C4orf50: variants seen among roughly 807,000 people sequenced by gnomAD.
C4orf50 encodes the protein chromosome 4 open reading frame 50, also known as uncharacterized protein C4orf50.
A neutral mutation model predicts 77.2 loss-of-function variants in C4orf50; 80 were observed. The ratio of observed to expected loss-of-function variants is 1.04; its 90% CI spans 0.87 to 1.25. C4orf50 has a LOEUF of 1.25. Ranked by LOEUF, C4orf50 falls within the 50% of genes most tolerant of loss-of-function variation. C4orf50 has a pLI of 0.00. For synonymous variants in C4orf50, 532 were observed against 465.3 expected, an observed-to-expected ratio of 1.14 and a Z score of -1.84; for missense variants, 1,257 against 1,152.9, an observed-to-expected ratio of 1.09 and a Z score of -1.31.
chr4:5,902,427 T>C (rs891799172), intron 7 of C4orf50: 5 of 152,180 alleles, frequency 3.3e-5, no homozygotes, highest in African/African-American at 4.8e-5. Context: ...ATCAGGCCAA[T>C]AGACTCTGAA....
chr4:6,012,651 C>A (rs186569338), intron 23 of C4orf50, among the ~76,000 whole-genome samples: 102 of 152,324 alleles, frequency 6.7e-4, no homozygotes, highest in Admixed American at 2.0e-3. Context: ...TGCAAACACA[C>A]TGGGGCTATG....
At chr4:5,902,794 A>G (rs1329171486) in intron 7 of C4orf50, 1 of 152,154 alleles carries the variant, frequency 6.6e-6, no homozygotes, top group Non-Finnish European at 1.5e-5. Flanking sequence ...ACGAGGCTGC[A>G]ATAGAAGGTT....
At chr4:5,994,233 G>A (rs952523842) in intron 26 of C4orf50, 114 bp downstream of exon 4, 12 of 395,448 alleles carry the variant, frequency 3.0e-5, no homozygotes, top group African/African-American at 2.3e-4. Context: ...TCTGTAGGGA[G>A]GGGGGACCAC....
chr4:5,907,552 C>T (rs1005870780), intron 7 of C4orf50, among the ~76,000 whole-genome samples: 1 of 152,158 alleles, frequency 6.6e-6, no homozygotes, highest in South Asian at 2.1e-4. Flanking sequence ...ATGATCTCTA[C>T]AGGCGAGCTA....
intron 29 of C4orf50, among the ~76,000 whole-genome samples, chr4:5,977,217 G>A (rs564630694): frequency 1.1e-4 from 16 of 152,276 alleles, no homozygotes; most frequent in African/African-American, 3.6e-4. Flanking sequence ...CAGCCTAGCC[G>A]AGTCCTATCT....
intron 7 of C4orf50, among the ~76,000 whole-genome samples, chr4:5,933,357 C>G (rs1325037639): frequency 1.3e-5 from 2 of 152,240 alleles, no homozygotes; most frequent in Non-Finnish European, 2.9e-5. Flanking sequence ...GAGTCTGCCA[C>G]TCACAGAACT....
rs932403440 is a variant in C4orf50 at position 5,908,985 on chromosome 4, A to G, written c.*2475-10797T>C. 5.3e-5 allele frequency among the ~76,000 whole-genome samples: 8 copies of G among 152,156 alleles called. No individual in the cohort carries two copies. Among genetic ancestry groups the G allele is most frequent in the Non-Finnish European group, 1.2e-4 (8 of 68,018 alleles). On this transcript the variant is annotated intron_variant, in intron 7 of 7. Coordinates refer to the C4orf50 transcript ENST00000324058. The surrounding 1 kb of genome is among the most constrained non-coding windows in gnomAD (Gnocchi z 5.6). ...CATGACTGCCTCTTAGCTGGACCAC[A>G]GAGAGTTTCCTAACCAGGCTCCCTG...
intron 7 of C4orf50, among the ~76,000 whole-genome samples, chr4:5,934,287 C>T (rs1410647265): frequency 6.6e-6 from 1 of 152,172 alleles, no homozygotes; most frequent in African/African-American, 2.4e-5. Context: ...TGGTCCTTTC[C>T]AGGTCCTCGC....
chr4:5,963,933 T>C (rs1719405691), intron 33 of C4orf50, among the ~76,000 whole-genome samples: 1 of 152,200 alleles, frequency 6.6e-6, no homozygotes, highest in South Asian at 2.1e-4. Flanking sequence ...AAGTAAGTTT[T>C]CTCTGGGAAG....
intron 25 of C4orf50, among the ~76,000 whole-genome samples, chr4:6,005,736 T>C (rs1722222491): frequency 6.6e-6 from 1 of 152,204 alleles, no homozygotes; most frequent in African/African-American, 2.4e-5. Flanking sequence ...TGAGCAGTAC[T>C]TCCTAAATAC....
rs1057379776 is a variant in C4orf50 at position 5,992,294 on chromosome 4, T to A, written c.1221+509A>T. Among the ~76,000 whole-genome samples, 1 of 152,144 alleles carries A rather than the reference T, an allele frequency of 6.6e-6. No individual in the cohort carries two copies. On this transcript the variant is annotated intron_variant, in intron 27 of 33. Coordinates refer to ENST00000531445, the Ensembl canonical transcript of C4orf50. This position sits in a 1 kb window ranked among gnomAD's most constrained non-coding sequence, Gnocchi z 5.0. Reference sequence around the variant, plus strand: ...GCTCGCGGGTCCCAGCACAGCTCTGTTCCTCAGGGATGAGAAAATGGAAGT... The same window carrying A: ...GCTCGCGGGTCCCAGCACAGCTCTGATCCTCAGGGATGAGAAAATGGAAGT...
rs188723712 is a variant in C4orf50, at chr4:5,908,653, T to C, written c.*2475-10465A>G. 7.2e-5 allele frequency among the ~76,000 whole-genome samples: 11 copies of C among 152,188 alleles called. No homozygotes were observed. In the East Asian group the frequency reaches 2.1e-3, roughly 30 times the overall value. On this transcript the variant is annotated intron_variant, in intron 7 of 7. Transcript: ENST00000324058. This position sits in a 1 kb window ranked among gnomAD's most constrained non-coding sequence, Gnocchi z 5.6. ...CATGACCTACTTAGTTCCAGACCTT[T>C]GTGAAGACAAAAGCTCCTCAATGAG... is the stretch of plus-strand genomic sequence containing the variant.
At chr4:6,014,687 A>G (rs1172133925) in intron 23 of C4orf50, among the ~76,000 whole-genome samples, 1 of 152,154 alleles carries the variant, frequency 6.6e-6, no homozygotes. Context: ...TTAGTATTTC[A>G]TCCCTCAGCC....
chr4:5,917,748 G>C (rs1315857209), intron 7 of C4orf50, among the ~76,000 whole-genome samples: 4 of 152,000 alleles, frequency 2.6e-5, no homozygotes, highest in Admixed American at 6.6e-5. Flanking sequence ...TCTTTCTTGA[G>C]CCTTGAAAGC....
Position 6,008,397 on chromosome 4 carries a change from G to C in C4orf50, c.562C>G (p.Leu188Val). 1 of 394,066 alleles carries C rather than the reference G, an allele frequency of 2.5e-6. No individual in the cohort carries two copies. The highest frequency in any genetic ancestry group is 4.5e-6 in the Non-Finnish European group (1 of 223,164). 24.4% of individuals were successfully genotyped at this position (394,066 alleles called of 1,614,324 possible). A position where few individuals can be genotyped will look rare whatever the true frequency, so the allele number is the denominator to read the frequency against. Residue 188 changes from leucine (L) to valine (V), a missense_variant, in exon 25 of 34, where the codon CTG becomes GTG. By Grantham distance (32) the Leu-to-Val change is conservative. Transcript: ENST00000531445. The surrounding 1 kb of genome is among the most constrained non-coding windows in gnomAD (Gnocchi z 6.0). ...CGCTCCTGCTCCCGCACCAGGCCCAGCTGGCGCCGCTGGGTCCGCCGGCAG... is the reference window on the plus strand; with the variant it reads ...CGCTCCTGCTCCCGCACCAGGCCCACCTGGCGCCGCTGGGTCCGCCGGCAG...
rs565139843 is a variant in C4orf50, at chr4:5,899,189, A to G, written c.*2475-1001T>C. ...GGCACCAGAGAACTTCCAATAATTT[A>G]TTTCAAAGCTAGGTAGGAATGCAGT... On this transcript the variant is annotated intron_variant, in intron 7 of 7. Coordinates refer to the C4orf50 transcript ENST00000324058. 3 of 152,340 alleles carry G rather than the reference A, an allele frequency of 2.0e-5. No homozygotes were observed. In the South Asian group the frequency reaches 6.2e-4, roughly 32 times the overall value. The allele number at this position is 152,340 out of a possible 1,614,324, so 9.4% of individuals were successfully genotyped here. A position where few individuals can be genotyped will look rare whatever the true frequency, so the allele number is the denominator to read the frequency against.
rs907000402 is a variant in C4orf50 at position 6,017,618 on chromosome 4, C to G, written c.287+527G>C. 2.0e-5 allele frequency among the ~76,000 whole-genome samples: 3 copies of G among 152,164 alleles called. No homozygotes were observed. Among genetic ancestry groups the G allele is most frequent in the Non-Finnish European group, 2.9e-5 (2 of 68,038 alleles). The stretch of plus-strand genomic sequence containing the variant: ...ATGCAAGCCTTCCAGAGCACACATG[C>G]TTTTTCCCCAGGATATAAGCCCTGG... On this transcript the variant is annotated intron_variant, in intron 23 of 33. Transcript: ENST00000531445. The surrounding 1 kb of genome is among the most constrained non-coding windows in gnomAD (Gnocchi z 4.7).
intron 25 of C4orf50, among the ~76,000 whole-genome samples, chr4:5,999,660 A>G (rs1440716261): frequency 6.6e-6 from 1 of 152,134 alleles, no homozygotes; most frequent in East Asian, 1.9e-4. Context: ...GACTGGGAAT[A>G]GAGCTAAAGT....
At chr4:6,014,702 T>C (rs1433587459) in intron 23 of C4orf50, among the ~76,000 whole-genome samples, 1 of 152,212 alleles carries the variant, frequency 6.6e-6, no homozygotes, top group Non-Finnish European at 1.5e-5. Flanking sequence ...TCAGCCTCAG[T>C]TTACTCATCT....
Sources: gnomAD v4.1 joint callset for allele counts (sites outside exome capture counted in the v4.1 genomes callset) on GRCh38, gnomAD v4.1.1 for gene constraint, Gnocchi (gnomAD v3.1) non-coding constraint, MANE v1.5 for transcripts, NCBI Gene and HGNC (gene_info 2026-07-23, HGNC 2026-07-21) for gene names.